The following CNTNAP2 variants were observed in gnomAD, a reference collection of about 807,000 sequenced individuals.
CNTNAP2 encodes contactin-associated protein-like 2.
A neutral mutation model predicts 155.2 loss-of-function variants in CNTNAP2; 98 were observed. The observed-to-expected ratio is 0.63, with a 90% CI of 0.54 to 0.75. The LOEUF is 0.75. CNTNAP2 is among the 30% of genes least tolerant of loss of function. The pLI, the probability that CNTNAP2 is intolerant of heterozygous loss-of-function variation, is 0.00. For synonymous variants in CNTNAP2, 651 were observed against 631.2 expected (o/e 1.03, Z -0.47); for missense variants, 1,727 against 1,688.1 (o/e 1.02, Z -0.40).
chr7:146,273,525 G>GT (rs1212391483), intron 1 of CNTNAP2, among the ~76,000 whole-genome samples: 2 of 152,070 alleles, frequency 1.3e-5, no homozygotes, highest in African/African-American at 4.8e-5. Context: ...GGGTGGGTGT[G>GT]TTTCAATAAA....
intron 1 of CNTNAP2, among the ~76,000 whole-genome samples, chr7:146,283,502 G>A (rs942475824): frequency 1.1e-4 from 16 of 152,020 alleles, no homozygotes; most frequent in African/African-American, 3.6e-4. Context: ...CGAGTAGCAG[G>A]GACCACAGGT....
intron 16 of CNTNAP2, among the ~76,000 whole-genome samples, chr7:148,130,301 C>T (rs1804802907): frequency 1.3e-5 from 2 of 152,210 alleles, no homozygotes; most frequent in African/African-American, 4.8e-5. Flanking sequence ...CAGAACAATG[C>T]CACAGAAAGC....
chr7:147,389,118 C>T (rs537830838), intron 9 of CNTNAP2, among the ~76,000 whole-genome samples: 1 of 152,262 alleles, frequency 6.6e-6, no homozygotes, highest in South Asian at 2.1e-4. Context: ...TTTCCTGCCC[C>T]TGCTCAATGG....
intron 13 of CNTNAP2, among the ~76,000 whole-genome samples, chr7:147,711,459 A>G (rs1796399188): frequency 6.6e-6 from 1 of 152,216 alleles, no homozygotes. Flanking sequence ...ACCTTCCTTC[A>G]ATGGCTTTAT....
At chr7:147,597,185 GCT>G (rs1237659926) in intron 12 of CNTNAP2, among the ~76,000 whole-genome samples, 1 of 152,072 alleles carries the variant, frequency 6.6e-6, no homozygotes, top group Non-Finnish European at 1.5e-5. Context: ...CCATGGACTT[GCT>G]CTGAGTTCTT....
chr7:146,953,157 G>C (rs971320246), intron 3 of CNTNAP2, among the ~76,000 whole-genome samples: 1 of 151,988 alleles, frequency 6.6e-6, no homozygotes, highest in Non-Finnish European at 1.5e-5. Flanking sequence ...TTTTAGATCT[G>C]AGTAATCAAT....
At chr7:147,646,364 T>C (rs1010852383) in intron 13 of CNTNAP2, among the ~76,000 whole-genome samples, 3 of 152,178 alleles carry the variant, frequency 2.0e-5, no homozygotes, top group Non-Finnish European at 2.9e-5. Context: ...TTTTATGTGA[T>C]CTGTGATGGC....
intron 1 of CNTNAP2, among the ~76,000 whole-genome samples, chr7:146,401,340 C>G (rs1795710683): frequency 6.6e-6 from 1 of 151,950 alleles, no homozygotes; most frequent in South Asian, 2.1e-4. Flanking sequence ...AGTAACGGAG[C>G]TGGTGGCAGA....
chr7:146,436,728 T>G (rs1248523238), intron 1 of CNTNAP2, among the ~76,000 whole-genome samples: 1 of 151,870 alleles, frequency 6.6e-6, no homozygotes, highest in Non-Finnish European at 1.5e-5. Flanking sequence ...GGATGCAGTA[T>G]GAAAACAATT....
intron 12 of CNTNAP2, among the ~76,000 whole-genome samples, chr7:147,574,304 C>T (rs1215108770): frequency 6.6e-6 from 1 of 152,064 alleles, no homozygotes; most frequent in African/African-American, 2.4e-5. Context: ...CTGACCTTCA[C>T]AGCTTTCCTC....
intron 21 of CNTNAP2, chr7:148,339,327 C>T (rs1798180072): frequency 6.6e-6 from 1 of 152,044 alleles, no homozygotes; most frequent in Non-Finnish European, 1.5e-5. Flanking sequence ...AGTACAATTA[C>T]GTTTTTTAAA....
chr7:146,880,381 GC>G (rs1452016100), intron 3 of CNTNAP2, among the ~76,000 whole-genome samples: 1 of 151,774 alleles, frequency 6.6e-6, no homozygotes, highest in African/African-American at 2.4e-5. Context: ...CAGGAAAAGG[GC>G]CCTCACTAGG....
intron 3 of CNTNAP2, among the ~76,000 whole-genome samples, chr7:146,970,894 C>T (rs531151013): frequency 1.3e-5 from 2 of 151,878 alleles, no homozygotes; most frequent in Admixed American, 6.6e-5. Context: ...AAAAATGATG[C>T]GTTCATGTCC....
intron 18 of CNTNAP2, among the ~76,000 whole-genome samples, chr7:148,191,119 A>C (rs934621272): frequency 2.6e-5 from 4 of 152,210 alleles, no homozygotes; most frequent in African/African-American, 9.6e-5. Flanking sequence ...TCTTCAATGC[A>C]GAAGTGTTGG....
rs114364551 is a variant in CNTNAP2 at position 148,129,012 on chromosome 7, T to G, written c.2554+10724T>G. Among the ~76,000 whole-genome samples, 998 of 152,248 alleles carry G rather than the reference T, an allele frequency of 6.6e-3. 25 individuals are homozygous for G. The highest frequency in any genetic ancestry group is 0.023 in the African/African-American group (939 of 41,544). On this transcript the variant is annotated intron_variant, in intron 16 of 23. Coordinates refer to ENST00000361727, the MANE Select transcript of CNTNAP2 (RefSeq NM_014141.6). Reference sequence around the variant, plus strand: ...TCTTCCATTTGAAGATACAACTGCCTTCTTGGTAATAATTCCTTTGCCTTG... The same window carrying G: ...TCTTCCATTTGAAGATACAACTGCCGTCTTGGTAATAATTCCTTTGCCTTG...
intron 3 of CNTNAP2, among the ~76,000 whole-genome samples, chr7:146,888,688 G>A (rs1185085350): frequency 4.0e-5 from 6 of 151,824 alleles, no homozygotes; most frequent in Non-Finnish European, 8.8e-5. Context: ...AGGAAATCCT[G>A]TCACTTGAGA....
At chr7:146,223,830 A>G (rs1331670435) in intron 1 of CNTNAP2, among the ~76,000 whole-genome samples, 2 of 152,236 alleles carry the variant, frequency 1.3e-5, no homozygotes, top group African/African-American at 4.8e-5. Flanking sequence ...AGAGGTTATT[A>G]CCAAGTGGTG....
chr7:148,356,884 G>A (rs1309044884), intron 21 of CNTNAP2, among the ~76,000 whole-genome samples: 6 of 148,924 alleles, frequency 4.0e-5, no homozygotes, highest in East Asian at 2.0e-4. Flanking sequence ...TGTTGTTTTC[G>A]TCACCATTAA....
intron 18 of CNTNAP2, among the ~76,000 whole-genome samples, chr7:148,177,769 G>A (rs1040603089): frequency 6.6e-6 from 1 of 152,072 alleles, no homozygotes; most frequent in South Asian, 2.1e-4. Context: ...TCATTTTGTA[G>A]CAACTAAAAG....
Sources: allele counts gnomAD v4.1 joint callset (sites outside exome capture counted in the v4.1 genomes callset), GRCh38; gene constraint gnomAD v4.1.1; transcripts MANE v1.5; gene names NCBI Gene and HGNC (gene_info 2026-07-23, HGNC 2026-07-21).